ERICH1: variants seen among roughly 807,000 people sequenced by gnomAD.
ERICH1 encodes glutamate rich 1.
A neutral mutation model predicts 39.6 loss-of-function variants in ERICH1; 56 were observed. The ratio of observed to expected loss-of-function variants is 1.41; its 90% CI spans 1.14 to 1.77. The LOEUF (loss-of-function observed/expected upper bound fraction) is 1.77, where lower values mean the gene tolerates loss of function less well. Among genes scored for constraint, ERICH1 ranks in the 40% most tolerant of loss-of-function variants. ERICH1 has a pLI of 0.00. For missense variants in ERICH1, 826 were observed against 575.4 expected, an observed-to-expected ratio of 1.44 and a Z score of -4.45; for synonymous variants, 313 against 223.6, an observed-to-expected ratio of 1.40 and a Z score of -3.57.
intron 3 of ERICH1, among the ~76,000 whole-genome samples, chr8:617,066 C>T (rs1302045701): frequency 2.0e-5 from 3 of 152,044 alleles, no homozygotes; most frequent in Admixed American, 1.3e-4. Flanking sequence ...CCCACTTTGA[C>T]TCTTTGTCCC....
At chr8:644,339 A>G (rs1799358131) in intron 3 of ERICH1, among the ~76,000 whole-genome samples, 1 of 152,128 alleles carries the variant, frequency 6.6e-6, no homozygotes, top group Admixed American at 6.5e-5. Flanking sequence ...TCAGTCTCTC[A>G]CTGGGGCCCA....
intron 3 of ERICH1, among the ~76,000 whole-genome samples, chr8:627,884 C>T (rs561543169): frequency 6.6e-6 from 1 of 152,270 alleles, no homozygotes; most frequent in African/African-American, 2.4e-5. Context: ...CTGGGCAGAT[C>T]CCAGCTGCCT....
At chr8:720,167 G>A (rs1816963283) in intron 1 of ERICH1, among the ~76,000 whole-genome samples, 3 of 152,202 alleles carry the variant, frequency 2.0e-5, no homozygotes, top group Non-Finnish European at 1.5e-5. Context: ...GAAGAGGAAT[G>A]TCCTGGACAC....
chr8:715,959 C>T lies in ERICH1; in HGVS notation c.71G>A (p.Gly24Asp), dbSNP rs1246502420. The T allele has an allele frequency of 6.2e-7, 1 of 1,613,876 alleles. No individual in the cohort carries two copies. Among genetic ancestry groups the T allele is most frequent in the African/African-American group, 1.3e-5 (1 of 75,050 alleles). The part of the protein sequence containing the change: ...LQRLFPPVPS[G>D]QGKREPQTLA... The stretch of plus-strand genomic sequence containing the variant: ...CGTCTGGGGTTCCCTCTTTCCTTGG[C>T]CACTTGGAACAGGAGGAAAAAGTCT... Residue 24 changes from glycine (G) to aspartate (D), a missense_variant, in exon 2 of 6, where the codon GGC (glycine) becomes GAC (aspartate). Transcript: ENST00000262109.
chr8:642,676 G>A (rs781679499), intron 3 of ERICH1, among the ~76,000 whole-genome samples: 107 of 152,112 alleles, frequency 7.0e-4, no homozygotes, highest in Middle Eastern at 3.4e-3. Context: ...CCACTGGCAC[G>A]TCTGTTATGA....
chr8:663,361 C>T (rs567448436), downstream of ERICH1, among the ~76,000 whole-genome samples: 13 of 152,340 alleles, frequency 8.5e-5, no homozygotes, highest in African/African-American at 2.9e-4. Flanking sequence ...CACCTCCACC[C>T]GTCAGAATGG....
chr8:626,722 T>A (rs892305890), intron 3 of ERICH1: 2 of 177,882 alleles, frequency 1.1e-5, no homozygotes, highest in African/African-American at 4.6e-5. Flanking sequence ...CTGTCTCTCA[T>A]CGCGATGCCA....
intron 3 of ERICH1, among the ~76,000 whole-genome samples, chr8:634,708 G>A (rs941074410): frequency 1.3e-5 from 2 of 152,186 alleles, no homozygotes; most frequent in Non-Finnish European, 2.9e-5. Context: ...GCTGGTCCCG[G>A]GTGTGAGAGG....
At chr8:643,196 T>C (rs933883689) in intron 3 of ERICH1, among the ~76,000 whole-genome samples, 1 of 152,194 alleles carries the variant, frequency 6.6e-6, no homozygotes, top group African/African-American at 2.4e-5. Context: ...CTGCCTCTCG[T>C]TAAACATTGC....
In ERICH1 at chr8:648,930, C is replaced by A. The variant is rs1799620641; in HGVS notation, c.976+19668G>T. ...AGCAGTTCTGTCATTTCCCATAAAT[C>A]TATACACAGGACATTTTCCTGCCTG... On this transcript the variant is annotated intron_variant, in intron 3 of 3. Coordinates refer to the ERICH1 transcript ENST00000522706. Among the ~76,000 whole-genome samples, 2 of 69,286 alleles carry A rather than the reference C, an allele frequency of 2.9e-5. 1 individual carries two copies. The highest frequency in any genetic ancestry group is 7.3e-5 in the African/African-American group (2 of 27,520). 45.5% of individuals were successfully genotyped at this position (69,286 alleles called of 152,430 possible).
At chr8:707,960 T>C (rs1025004590) in intron 2 of ERICH1, among the ~76,000 whole-genome samples, 2 of 151,896 alleles carry the variant, frequency 1.3e-5, no homozygotes, top group African/African-American at 4.8e-5. Flanking sequence ...AGAAAGACAA[T>C]CCAATTAAAA....
chr8:718,445 A>C (rs368131939), intron 1 of ERICH1, among the ~76,000 whole-genome samples: 37 of 152,342 alleles, frequency 2.4e-4, no homozygotes, highest in African/African-American at 8.4e-4. Context: ...TTTATAGCCT[A>C]ATTAACAGTG....
At chr8:725,135 G>C (rs1183992061) in intron 1 of ERICH1, 1 of 168,348 alleles carries the variant, frequency 5.9e-6, no homozygotes, top group Non-Finnish European at 1.3e-5. Context: ...TCCAGCCTCC[G>C]TGCCTGCTGA....
chr8:700,357 G>C (rs1223988406), intron 2 of ERICH1, among the ~76,000 whole-genome samples: 1 of 93,216 alleles, frequency 1.1e-5, no homozygotes, highest in Non-Finnish European at 2.3e-5. Flanking sequence ...CCGCACACGC[G>C]CACAGGCCCG....
intron 3 of ERICH1, chr8:656,632 C>T (rs1314518246): frequency 1.8e-6 from 1 of 561,976 alleles, no homozygotes; most frequent in Non-Finnish European, 2.3e-6. Flanking sequence ...CCCTGGGACC[C>T]TGTCACTCTG....
At chr8:670,875 GGTCCCCAGGATCCAACCTCTGAACC>G (rs1803148631) in intron 4 of ERICH1, among the ~76,000 whole-genome samples, 1 of 151,480 alleles carries the variant, frequency 6.6e-6, no homozygotes, top group African/African-American at 2.4e-5. Flanking sequence ...TGAGCCCACC[GGTCCCCAGGATCCAACCTCTGAACC>G]CGCCGGCCCC....
chr8:677,500 C>A (rs536965486), intron 3 of ERICH1, among the ~76,000 whole-genome samples: 1 of 152,298 alleles, frequency 6.6e-6, no homozygotes, highest in African/African-American at 2.4e-5. Flanking sequence ...TCCTCACTCA[C>A]CAGTGGGTGT....
Position 707,289 on chromosome 8 carries a change from C to G in ERICH1, c.169+8572G>C, listed in dbSNP as rs140507393. On this transcript the variant is annotated intron_variant, in intron 2 of 5. Coordinates refer to ENST00000262109, the MANE Select transcript of ERICH1 (RefSeq NM_207332.3). ...ATGATGCGATCTTGGCTCACTGCAACCTCTGCCTCCCGGGTTCAAGCGACT... is the reference window on the plus strand; with the variant it reads ...ATGATGCGATCTTGGCTCACTGCAAGCTCTGCCTCCCGGGTTCAAGCGACT... 8.3e-3 allele frequency among the ~76,000 whole-genome samples: 1,245 copies of G among 150,122 alleles called. 63 individuals are homozygous for G. The highest frequency in any genetic ancestry group is 0.077 in the Admixed American group (1,148 of 14,978).
intron 2 of ERICH1, among the ~76,000 whole-genome samples, chr8:712,650 G>C (rs980187230): frequency 6.6e-6 from 1 of 152,084 alleles, no homozygotes; most frequent in Non-Finnish European, 1.5e-5. Flanking sequence ...TGTTAGCCAG[G>C]ATGGTCTCAA....
Sources: gnomAD v4.1 joint callset for allele counts (sites outside exome capture counted in the v4.1 genomes callset) on GRCh38, gnomAD v4.1.1 for gene constraint, MANE v1.5 for transcripts, NCBI Gene and HGNC (gene_info 2026-07-23, HGNC 2026-07-21) for gene names.